SLC16A10: variants seen among roughly 807,000 people sequenced by gnomAD.
The protein encoded by SLC16A10 is monocarboxylate transporter 10.
In SLC16A10, 27 loss-of-function variants were observed where a neutral mutation model predicts 40.0. The ratio of observed to expected loss-of-function variants is 0.67; its 90% CI spans 0.50 to 0.93. The LOEUF (loss-of-function observed/expected upper bound fraction) is 0.93. Ranked by LOEUF, SLC16A10 falls within the 40% of genes least tolerant of loss-of-function variation. The pLI, the probability that SLC16A10 is intolerant of heterozygous loss-of-function variation, is 0.00. For synonymous variants in SLC16A10, 213 were observed against 249.8 expected (o/e 0.85, Z 1.39); for missense variants, 529 against 658.2 (o/e 0.80, Z 2.15).
In SLC16A10 at chr6:111,228,243, G is replaced by A. The variant is rs780879489; in HGVS notation, c.*6008G>A. ...GGTAGATGATCAGTGATGACAGATT[G>A]TACAGCTGTGCCCAAACCTGACAAC... On this transcript the variant is annotated 3_prime_UTR_variant, in exon 6 of 6. Transcript: ENST00000368851. 6.6e-6 allele frequency: 1 copy of A among 152,176 alleles called. No individual in the cohort carries two copies. Among genetic ancestry groups the A allele is most frequent in the South Asian group, 2.1e-4 (1 of 4,826 alleles). 9.4% of individuals were successfully genotyped at this position (152,176 alleles called of 1,614,324 possible).
At chr6:111,189,467 A>G (rs908011769) in intron 3 of SLC16A10, among the ~76,000 whole-genome samples, 1 of 152,218 alleles carries the variant, frequency 6.6e-6, no homozygotes, top group South Asian at 2.1e-4. Context: ...CATATCAAAA[A>G]TGAAAATGTC....
At chr6:111,103,132 C>T (rs1398254002) in intron 1 of SLC16A10, among the ~76,000 whole-genome samples, 1 of 151,932 alleles carries the variant, frequency 6.6e-6, no homozygotes, top group Non-Finnish European at 1.5e-5. Context: ...TCTCAAACTC[C>T]TGGACTCAAG....
intron 4 of SLC16A10, among the ~76,000 whole-genome samples, chr6:111,212,730 C>T (rs1189966360): frequency 6.6e-6 from 1 of 151,144 alleles, no homozygotes; most frequent in Non-Finnish European, 1.5e-5. Flanking sequence ...GAGGTTGAGG[C>T]TGCAGTGAGC....
At chr6:111,091,303 T>A (rs921931027) in intron 1 of SLC16A10, 1 of 152,238 alleles carries the variant, frequency 6.6e-6, no homozygotes, top group African/African-American at 2.4e-5. Flanking sequence ...TAGTAGATTG[T>A]TGTTCAAAGT....
intron 1 of SLC16A10, among the ~76,000 whole-genome samples, chr6:111,089,479 T>G (rs1218176528): frequency 6.6e-6 from 1 of 152,230 alleles, no homozygotes; most frequent in Admixed American, 6.5e-5. Context: ...ATGAATATTC[T>G]TGTACACTCT....
chr6:111,178,569 A>G, intron 3 of SLC16A10: 2 of 348,788 alleles, frequency 5.7e-6, no homozygotes, highest in Non-Finnish European at 1.1e-5. Context: ...AAAAAAAAAA[A>G]GAAGGAAGAA....
At chr6:111,123,870 C>T (rs1291886368) in intron 1 of SLC16A10, among the ~76,000 whole-genome samples, 6 of 152,152 alleles carry the variant, frequency 3.9e-5, no homozygotes, top group Admixed American at 2.0e-4. Context: ...GTTATGTTAC[C>T]ATCTGGGAGA....
chr6:111,105,823 A>T (rs1465001513), intron 1 of SLC16A10, among the ~76,000 whole-genome samples: 1 of 152,236 alleles, frequency 6.6e-6, no homozygotes, highest in African/African-American at 2.4e-5. Flanking sequence ...ACTGAAGCCC[A>T]GCTGAAGGTG....
chr6:111,108,776 C>T lies in SLC16A10; in HGVS notation c.343+20681C>T, dbSNP rs1050852997. On this transcript the variant is annotated intron_variant, in intron 1 of 5. Coordinates refer to ENST00000368851, the MANE Select transcript of SLC16A10 (RefSeq NM_018593.5). ...TATGCAGGTGGAATCAAAGAGCACA[C>T]GGCTTATTTATCATAATCAAAATAA... Among the ~76,000 whole-genome samples, 8 of 152,296 alleles carry T rather than the reference C, an allele frequency of 5.3e-5. No individual in the cohort carries two copies. In the Middle Eastern group the frequency reaches 0.01, roughly 194 times the overall value.
At chr6:111,183,178 C>T (rs1018946438) in intron 3 of SLC16A10, among the ~76,000 whole-genome samples, 1 of 152,196 alleles carries the variant, frequency 6.6e-6, no homozygotes, top group Non-Finnish European at 1.5e-5. Flanking sequence ...CATCGCTGTC[C>T]CTTGCCCACT....
intron 1 of SLC16A10, among the ~76,000 whole-genome samples, chr6:111,101,002 A>C (rs999968947): frequency 3.4e-4 from 47 of 138,120 alleles, no homozygotes; most frequent in East Asian, 8.1e-4. Flanking sequence ...CTATATATAT[A>C]TATATATATA....
At chr6:111,121,920 G>GAGGT (rs1449100116) in intron 1 of SLC16A10, among the ~76,000 whole-genome samples, 1 of 152,200 alleles carries the variant, frequency 6.6e-6, no homozygotes, top group Non-Finnish European at 1.5e-5. Flanking sequence ...TGGCTCATGA[G>GAGGT]AGGTACATCC....
chr6:111,206,486 G>A, intron 3 of SLC16A10, 106 bp from the exon 4 acceptor site: 1 of 1,176,800 alleles, frequency 8.5e-7, no homozygotes, highest in South Asian at 1.4e-5. Flanking sequence ...GGAAAAAGTT[G>A]CAAGCCCATA....
intron 3 of SLC16A10, among the ~76,000 whole-genome samples, chr6:111,197,146 A>G (rs1773092482): frequency 6.6e-6 from 1 of 152,216 alleles, no homozygotes; most frequent in Non-Finnish European, 1.5e-5. Context: ...CAGCAATTAG[A>G]TGGCTCTTAG....
Position 111,185,791 on chromosome 6 carries a change from C to T in SLC16A10, c.942+8126C>T, listed in dbSNP as rs77381987. On this transcript the variant is annotated intron_variant, in intron 3 of 5. Transcript: ENST00000368851. ...AGGTAAACTGCTTGAAATTTAGTCA[C>T]ATATAAACGCTCCGAGGCCACTGGT... Among the ~76,000 whole-genome samples the T allele has an allele frequency of 9.0e-3, 1,377 of 152,198 alleles. 9 individuals carry two copies. Among genetic ancestry groups the T allele is most frequent in the Non-Finnish European group, 0.014 (945 of 68,018 alleles).
intron 1 of SLC16A10, among the ~76,000 whole-genome samples, chr6:111,144,486 A>T (rs1405621343): frequency 6.6e-6 from 1 of 152,246 alleles, no homozygotes; most frequent in African/African-American, 2.4e-5. Context: ...TACAGGCATG[A>T]GCCACCGCGC....
intron 1 of SLC16A10, among the ~76,000 whole-genome samples, chr6:111,106,170 CAG>C (rs1226450783): frequency 2.0e-5 from 3 of 152,152 alleles, no homozygotes; most frequent in African/African-American, 7.2e-5. Context: ...TTTTTCTCCT[CAG>C]AGTTTGAAAA....
chr6:111,150,189 A>T (rs1772148490), intron 1 of SLC16A10, among the ~76,000 whole-genome samples: 1 of 152,228 alleles, frequency 6.6e-6, no homozygotes, highest in African/African-American at 2.4e-5. Context: ...TGGGTTCCTT[A>T]TAAAAGGAAG....
chr6:111,193,761 T>C (rs1562428952), intron 3 of SLC16A10, among the ~76,000 whole-genome samples: 1 of 152,238 alleles, frequency 6.6e-6, no homozygotes, highest in Non-Finnish European at 1.5e-5. Context: ...TTCTAAAATA[T>C]TTATAATTTG....
Sources: allele counts gnomAD v4.1 joint callset (sites outside exome capture counted in the v4.1 genomes callset), GRCh38; gene constraint gnomAD v4.1.1; transcripts MANE v1.5; gene names NCBI Gene and HGNC (gene_info 2026-07-23, HGNC 2026-07-21).